The following UNC79 variants were observed in gnomAD, a reference collection of about 807,000 sequenced individuals.
The protein encoded by UNC79 is protein unc-79 homolog.
In UNC79, 37 loss-of-function variants were observed where a neutral mutation model predicts 283.1. The observed-to-expected ratio is 0.13, with a 90% CI of 0.10 to 0.17. The LOEUF (loss-of-function observed/expected upper bound fraction) is 0.17, where lower values mean the gene tolerates loss of function less well. Ranked by LOEUF, UNC79 falls within the 10% of genes least tolerant of loss-of-function variation. The probability of loss-of-function intolerance (pLI) is 1.00; values close to 1 mark genes in which losing one functional copy is unlikely to be tolerated. For synonymous variants in UNC79, 1,107 were observed against 1,200.2 expected, an observed-to-expected ratio of 0.92 and a Z score of 1.61; for missense variants, 2,272 against 3,211.1, an observed-to-expected ratio of 0.71 and a Z score of 7.07.
chr14:93,698,082 C>G (rs2075277780), intron 47 of UNC79, among the ~76,000 whole-genome samples: 1 of 152,092 alleles, frequency 6.6e-6, no homozygotes, highest in Non-Finnish European at 1.5e-5. Flanking sequence ...TCTAATGTAT[C>G]AGAGAATATA....
chr14:93,691,464 T>C (rs2074694330), intron 45 of UNC79: 1 of 532,152 alleles, frequency 1.9e-6, no homozygotes, highest in Non-Finnish European at 3.4e-6. Flanking sequence ...GATGGGAATG[T>C]CAGTTTCATT....
At chr14:93,523,558 G>A (rs1017174752) in intron 7 of UNC79, among the ~76,000 whole-genome samples, 1 of 152,092 alleles carries the variant, frequency 6.6e-6, no homozygotes, top group African/African-American at 2.4e-5. Context: ...AGAAATATAG[G>A]TTCTAGTTCT....
At chr14:93,446,668 A>G (rs2056469833) in intron 1 of UNC79, among the ~76,000 whole-genome samples, 1 of 152,188 alleles carries the variant, frequency 6.6e-6, no homozygotes, top group Admixed American at 6.5e-5. Flanking sequence ...TTCTGGGATT[A>G]CAGGTGTGAG....
intron 1 of UNC79, among the ~76,000 whole-genome samples, chr14:93,339,291 T>C (rs2053648570): frequency 6.6e-6 from 1 of 151,972 alleles, no homozygotes; most frequent in South Asian, 2.1e-4. Context: ...TAGATGGCCA[T>C]TTTTTTCTTT....
chr14:93,510,462 T>C (rs2059766806), intron 7 of UNC79, among the ~76,000 whole-genome samples: 1 of 152,234 alleles, frequency 6.6e-6, no homozygotes, highest in Non-Finnish European at 1.5e-5. Flanking sequence ...TTTTGGATAA[T>C]CTCTTTGCTT....
At chr14:93,414,837 A>G (rs1032344269) in intron 1 of UNC79, among the ~76,000 whole-genome samples, 4 of 152,112 alleles carry the variant, frequency 2.6e-5, no homozygotes, top group Non-Finnish European at 4.4e-5. Flanking sequence ...TCATTGGTGT[A>G]TAAGAATGCT....
At chr14:93,372,753 A>C (rs2054478962) in intron 1 of UNC79, among the ~76,000 whole-genome samples, 1 of 152,220 alleles carries the variant, frequency 6.6e-6, no homozygotes, top group Non-Finnish European at 1.5e-5. Context: ...AAATGGACAG[A>C]TCCAGCAGGT....
exon 30 of UNC79, chr14:93,622,604 C>T (rs749541972): frequency 1.2e-6 from 2 of 1,613,968 alleles, no homozygotes; most frequent in African/African-American, 2.7e-5. Flanking sequence ...CCTCAAAGTT[C>T]CCGAAGATGC....
intron 12 of UNC79, among the ~76,000 whole-genome samples, chr14:93,539,986 T>C (rs2061299178): frequency 6.6e-6 from 1 of 152,258 alleles, no homozygotes; most frequent in African/African-American, 2.4e-5. Flanking sequence ...TACATAGTGC[T>C]GTACCTATAT....
chr14:93,698,675 G>A (rs1024816761), intron 47 of UNC79, among the ~76,000 whole-genome samples: 14 of 151,698 alleles, frequency 9.2e-5, no homozygotes, highest in African/African-American at 3.4e-4. Context: ...TAGTAGAGAC[G>A]GGGTTTCACC....
intron 1 of UNC79, among the ~76,000 whole-genome samples, chr14:93,371,901 G>A (rs796102041): frequency 1.2e-4 from 19 of 152,152 alleles, no homozygotes; most frequent in African/African-American, 4.6e-4. Flanking sequence ...GATGATAGTG[G>A]AGTGAAATAT....
chr14:93,552,195 G>C (rs770482056), intron 14 of UNC79, among the ~76,000 whole-genome samples: 4 of 152,206 alleles, frequency 2.6e-5, no homozygotes, highest in Non-Finnish European at 2.9e-5. Flanking sequence ...AAGTGAATAG[G>C]CTGGAGAATG....
chr14:93,616,373 T>C (rs1429097358), intron 27 of UNC79, among the ~76,000 whole-genome samples: 1 of 145,792 alleles, frequency 6.9e-6, no homozygotes, highest in East Asian at 1.9e-4. Flanking sequence ...TTCCTTTTTT[T>C]TTTTTTTTTT....
intron 6 of UNC79, among the ~76,000 whole-genome samples, chr14:93,496,862 A>C (rs922402016): frequency 6.6e-6 from 1 of 152,192 alleles, no homozygotes; most frequent in Non-Finnish European, 1.5e-5. Context: ...GTCTTGTGCT[A>C]TTCTAAAATC....
chr14:93,669,707 G>C (rs1423557574), intron 40 of UNC79, among the ~76,000 whole-genome samples: 1 of 151,984 alleles, frequency 6.6e-6, no homozygotes. Context: ...AAATTAGCTG[G>C]GCATGGTAGC....
chr14:93,508,893 A>G (rs536698203), intron 7 of UNC79, among the ~76,000 whole-genome samples: 4 of 152,316 alleles, frequency 2.6e-5, no homozygotes, highest in Middle Eastern at 3.4e-3. Context: ...CTTTCACAAC[A>G]GAGTCTGTTG....
chr14:93,398,753 C>T (rs2140023446), intron 1 of UNC79, among the ~76,000 whole-genome samples: 1 of 152,238 alleles, frequency 6.6e-6, no homozygotes, highest in South Asian at 2.1e-4. Flanking sequence ...GTAACAGCTG[C>T]AGTATCCAGG....
intron 1 of UNC79, among the ~76,000 whole-genome samples, chr14:93,348,656 A>C (rs1466563479): frequency 6.6e-6 from 1 of 152,198 alleles, no homozygotes; most frequent in Non-Finnish European, 1.5e-5. Context: ...GAATGAGTAC[A>C]TCTCCTATTT....
At chr14:93,390,538 T>G (rs1463602040) in intron 1 of UNC79, among the ~76,000 whole-genome samples, 1 of 152,174 alleles carries the variant, frequency 6.6e-6, no homozygotes, top group Non-Finnish European at 1.5e-5. Context: ...TATTTGCTGG[T>G]AACTTGATTG....
Sources: allele counts gnomAD v4.1 joint callset (sites outside exome capture counted in the v4.1 genomes callset), GRCh38; gene constraint gnomAD v4.1.1; transcripts MANE v1.5; gene names NCBI Gene and HGNC (gene_info 2026-07-23, HGNC 2026-07-21).